The following PTPRD variants were observed in gnomAD, a reference collection of about 807,000 sequenced individuals.
PTPRD encodes the protein receptor-type tyrosine-protein phosphatase delta.
PTPRD carries 34 observed loss-of-function variants against 214.5 expected under a neutral mutation model. The ratio of observed to expected loss-of-function variants is 0.16; its 90% CI spans 0.12 to 0.21. The LOEUF (loss-of-function observed/expected upper bound fraction) is 0.21. PTPRD is among the 10% of genes least tolerant of loss of function. The pLI, the probability that PTPRD is intolerant of heterozygous loss-of-function variation, is 1.00. For missense variants in PTPRD, 2,545 were observed against 2,398.7 expected (o/e 1.06, Z -1.27); for synonymous variants, 1,128 against 845.7 (o/e 1.33, Z -5.79).
intron 8 of PTPRD, among the ~76,000 whole-genome samples, chr9:9,449,012 A>G (rs959079975): frequency 4.6e-5 from 7 of 152,126 alleles, no homozygotes; most frequent in Non-Finnish European, 8.8e-5. Context: ...TTCGCAAAGC[A>G]TGTCCCTTTA....
Position 10,493,992 on chromosome 9 carries a change from G to A in PTPRD, c.-600+118406C>T, listed in dbSNP as rs556651531. 2.3e-4 allele frequency among the ~76,000 whole-genome samples: 35 copies of A among 151,938 alleles called. No homozygotes were observed. In the East Asian group the frequency reaches 4.1e-3, roughly 18 times the overall value. ...TACTGTATTCAACATTAATCTTTAT[G>A]TTTCTTATCTTAGCATAAATTTGTA... is the stretch of plus-strand genomic sequence containing the variant. On this transcript the variant is annotated intron_variant, in intron 2 of 45. Coordinates refer to ENST00000381196, the MANE Select transcript of PTPRD (RefSeq NM_002839.4).
At chr9:10,191,172 GAA>G (rs560528578) in intron 3 of PTPRD, among the ~76,000 whole-genome samples, 86 of 152,152 alleles carry the variant, frequency 5.7e-4, no homozygotes, top group African/African-American at 1.8e-3. Context: ...GAATAAGAAA[GAA>G]ATGATGTTTT....
chr9:8,911,367 G>C (rs966160390), intron 11 of PTPRD, among the ~76,000 whole-genome samples: 5 of 151,304 alleles, frequency 3.3e-5, no homozygotes, highest in African/African-American at 9.7e-5. Context: ...TCAATAAATG[G>C]GTTGGGAGAA....
intron 5 of PTPRD, among the ~76,000 whole-genome samples, chr9:9,933,367 A>G (rs1388958946): frequency 3.9e-5 from 6 of 152,012 alleles, no homozygotes; most frequent in Admixed American, 3.9e-4. Flanking sequence ...GGCTCAAAAT[A>G]AAAGGATGGA....
At chr9:10,016,377 A>AT (rs2096714110) in intron 4 of PTPRD, among the ~76,000 whole-genome samples, 2 of 130,054 alleles carry the variant, frequency 1.5e-5, no homozygotes, top group Non-Finnish European at 3.3e-5. Context: ...AGATAGATAG[A>AT]TAGATAGATA....
Position 9,803,793 on chromosome 9 carries a change from G to C in PTPRD, c.-367-36942C>G, listed in dbSNP as rs2099056565. Reference sequence around the variant, plus strand: ...AAACATAACAAATCAAATAAAAAAGGATTAATCATTTAAAGAGAAGCTCAT... The same window carrying C: ...AAACATAACAAATCAAATAAAAAAGCATTAATCATTTAAAGAGAAGCTCAT... On this transcript the variant is annotated intron_variant, in intron 5 of 45. Transcript: ENST00000381196. 3 of 151,940 alleles carry C rather than the reference G, an allele frequency of 2.0e-5. No homozygotes were observed. In the South Asian group the frequency reaches 6.2e-4, roughly 31 times the overall value. The allele number at this position is 151,940 out of a possible 1,614,324, so 9.4% of individuals were successfully genotyped here.
chr9:8,456,611 C>G (rs968787247), intron 33 of PTPRD, among the ~76,000 whole-genome samples: 2 of 152,052 alleles, frequency 1.3e-5, no homozygotes, highest in African/African-American at 4.8e-5. Flanking sequence ...GGGCTTGGAA[C>G]TGTATGGAGG....
intron 9 of PTPRD, among the ~76,000 whole-genome samples, chr9:9,317,889 C>T (rs1964159845): frequency 6.6e-6 from 1 of 151,862 alleles, no homozygotes; most frequent in African/African-American, 2.4e-5. Context: ...GGTATTTTTC[C>T]AGCCGGGTGC....
intron 5 of PTPRD, among the ~76,000 whole-genome samples, chr9:9,864,292 T>C (rs1190377062): frequency 6.7e-6 from 1 of 148,982 alleles, no homozygotes; most frequent in Non-Finnish European, 1.5e-5. Flanking sequence ...GGTAACAGAG[T>C]GAGACTCAGT....
At chr9:9,630,011 G>T (rs542602207) in intron 7 of PTPRD, among the ~76,000 whole-genome samples, 24 of 152,260 alleles carry the variant, frequency 1.6e-4, no homozygotes, top group Non-Finnish European at 3.1e-4. Flanking sequence ...AAGTAAGGAA[G>T]ATTGGTGCCC....
At chr9:8,937,850 T>G (rs891851321) in intron 11 of PTPRD, among the ~76,000 whole-genome samples, 1 of 152,214 alleles carries the variant, frequency 6.6e-6, no homozygotes, top group Admixed American at 6.5e-5. Flanking sequence ...TTTTGTTAAC[T>G]GATTCCCTGA....
chr9:9,416,219 C>T (rs557947151), intron 8 of PTPRD, among the ~76,000 whole-genome samples: 2 of 152,260 alleles, frequency 1.3e-5, no homozygotes, highest in African/African-American at 4.8e-5. Context: ...TTCCCCAGAT[C>T]GGTTCTCTTG....
chr9:9,243,443 T>C (rs1024124205), intron 9 of PTPRD, among the ~76,000 whole-genome samples: 2 of 152,108 alleles, frequency 1.3e-5, no homozygotes, highest in Admixed American at 1.3e-4. Flanking sequence ...TTATCCACCA[T>C]AATCAAGTGG....
chr9:9,565,986 A>C (rs2084396597), intron 8 of PTPRD, among the ~76,000 whole-genome samples: 1 of 151,970 alleles, frequency 6.6e-6, no homozygotes, highest in South Asian at 2.1e-4. Flanking sequence ...GGATTTATAA[A>C]TATGCTATGA....
At chr9:8,563,261 G>C (rs1045086989) in intron 14 of PTPRD, among the ~76,000 whole-genome samples, 2 of 152,070 alleles carry the variant, frequency 1.3e-5, no homozygotes, top group Non-Finnish European at 2.9e-5. Context: ...CAAGATGGAG[G>C]AATTACAAGT....
intron 11 of PTPRD, among the ~76,000 whole-genome samples, chr9:8,837,025 CTT>C (rs1183213879): frequency 1.5e-4 from 19 of 125,156 alleles, no homozygotes; most frequent in East Asian, 2.5e-4. Flanking sequence ...CCACACCCAG[CTT>C]TTTTTTTTTT....
chr9:8,615,297 T>C (rs561598488), intron 14 of PTPRD, among the ~76,000 whole-genome samples: 2 of 152,222 alleles, frequency 1.3e-5, no homozygotes, highest in East Asian at 1.9e-4. Flanking sequence ...TTGATGAGCA[T>C]GCAATTAAAC....
At chr9:9,126,343 C>T (rs2099833559) in intron 10 of PTPRD, among the ~76,000 whole-genome samples, 1 of 152,182 alleles carries the variant, frequency 6.6e-6, no homozygotes, top group Non-Finnish European at 1.5e-5. Context: ...TCAGAAGGAA[C>T]ACTGTCCAAT....
In PTPRD at chr9:8,848,667, C is replaced by T. The variant is rs527697391; in HGVS notation, c.-103-114721G>A. On this transcript the variant is annotated intron_variant, in intron 11 of 45. Transcript: ENST00000381196. ...ATGTCATTGGGCGTACTTGCCTGGACGATGTGAGATAAATATTTTTTTTAA... is the reference window on the plus strand; with the variant it reads ...ATGTCATTGGGCGTACTTGCCTGGATGATGTGAGATAAATATTTTTTTTAA... Among the ~76,000 whole-genome samples, 24 of 151,814 alleles carry T rather than the reference C, an allele frequency of 1.6e-4. No homozygotes were observed. In the South Asian group the frequency reaches 4.2e-3, roughly 26 times the overall value.
Sources: allele counts gnomAD v4.1 joint callset (sites outside exome capture counted in the v4.1 genomes callset), GRCh38; gene constraint gnomAD v4.1.1; transcripts MANE v1.5; gene names NCBI Gene and HGNC (gene_info 2026-07-23, HGNC 2026-07-21).